RGL3: variants seen among roughly 807,000 people sequenced by gnomAD.
RGL3 encodes ral guanine nucleotide dissociation stimulator like 3, also known as ral guanine nucleotide dissociation stimulator-like 3.
In RGL3, 85 loss-of-function variants were observed where a neutral mutation model predicts 90.6. The ratio of observed to expected loss-of-function variants is 0.94; its 90% CI spans 0.79 to 1.12. The LOEUF (loss-of-function observed/expected upper bound fraction) is 1.12, where lower values mean the gene tolerates loss of function less well. Among genes scored for constraint, RGL3 ranks in the 50% most tolerant of loss-of-function variants. The pLI, the probability that RGL3 is intolerant of heterozygous loss-of-function variation, is 0.00. For synonymous variants in RGL3, 408 were observed against 385.5 expected (o/e 1.06, Z -0.68); for missense variants, 1,034 against 939.2 (o/e 1.10, Z -1.32).
rs1255810702 is a variant in RGL3, at chr19:11,416,886, G to A, written c.321C>T (p.Ala107=). Residue 107 remains alanine (A), a synonymous_variant, in exon 3 of 19, where the codon GCC becomes GCT. Transcript: ENST00000380456. ...GTGGCAGCAGAAAGCCCAGCAGGCA[G>A]GCAGTGGGTACAAAGGTCCGGTAGG... ...LATYRTFVPT[A]CLLGFLLPPM... The A allele has an allele frequency of 1.2e-6, 2 of 1,614,136 alleles. No individual in the cohort carries two copies. The highest frequency in any genetic ancestry group is 1.7e-5 in the Admixed American group (1 of 60,012).
In RGL3 at chr19:11,394,315, G is replaced by T; in HGVS notation, c.*87C>A. The T allele has an allele frequency of 1.0e-6, 1 of 958,652 alleles. No individual in the cohort carries two copies. The highest frequency in any genetic ancestry group is 1.7e-6 in the Non-Finnish European group (1 of 585,928). 59.4% of individuals were successfully genotyped at this position (958,652 alleles called of 1,614,324 possible). A position where few individuals can be genotyped will look rare whatever the true frequency, so the allele number is the denominator to read the frequency against. The stretch of plus-strand genomic sequence containing the variant: ...TGGTCCTGGGATACACAGCACAGTG[G>T]CCTCTACTGGGGGATGGCAGCTTTC... On this transcript the variant is annotated 3_prime_UTR_variant, in exon 19 of 19. Transcript: ENST00000380456.
chr19:11,394,339 T>A lies in RGL3; in HGVS notation c.*63A>T. On this transcript the variant is annotated 3_prime_UTR_variant, in exon 19 of 19. Coordinates refer to ENST00000380456, the MANE Select transcript of RGL3 (RefSeq NM_001035223.4). Reference sequence around the variant, plus strand: ...GGCCTCTACTGGGGGATGGCAGCTTTCCAGGAGAAGAGTCGCAAGCTTGCC... The same window carrying A: ...GGCCTCTACTGGGGGATGGCAGCTTACCAGGAGAAGAGTCGCAAGCTTGCC... The A allele has an allele frequency of 7.6e-7, 1 of 1,308,266 alleles. No individual in the cohort carries two copies. The highest frequency in any genetic ancestry group is 1.1e-6 in the Non-Finnish European group (1 of 902,134). 81.0% of individuals were successfully genotyped at this position (1,308,266 alleles called of 1,614,324 possible).
At chr19:11,401,878 C>G in intron 13 of RGL3, 133 bp downstream of exon 13, 1 of 1,189,542 alleles carries the variant, frequency 8.4e-7, no homozygotes, top group Non-Finnish European at 1.2e-6. Context: ...TGCAAGGTCA[C>G]AGGTTGTAGT....
intron 5 of RGL3, among the ~76,000 whole-genome samples, chr19:11,414,511 A>ACACC (rs1568342040): frequency 1.7e-5 from 2 of 116,508 alleles, no homozygotes; most frequent in African/African-American, 7.0e-5. Flanking sequence ...ATATATATAT[A>ACACC]TATATATATA....
rs757565425 is a variant in RGL3, at chr19:11,419,257, C to T, written c.22G>A (p.Glu8Lys). The T allele has an allele frequency of 3.1e-6, 5 of 1,588,522 alleles. No homozygotes were observed. Among genetic ancestry groups the T allele is most frequent in the Non-Finnish European group, 4.3e-6 (5 of 1,168,206 alleles). ...CCTTGTCCCCTTACCAGGGCCAGCTCTTTGCCTGCTGTGCGCTCCATGGCC... is the reference window on the plus strand; with the variant it reads ...CCTTGTCCCCTTACCAGGGCCAGCTTTTTGCCTGCTGTGCGCTCCATGGCC... MERTAGK[E>K]LALAPLQDWG... is the part of the protein sequence containing the mutation. Residue 8 changes from glutamate to lysine, a missense_variant, in exon 1 of 19, where the codon GAG becomes AAG. Physicochemically the swap from Glu to Lys is moderately conservative, Grantham distance 56. Coordinates refer to ENST00000380456, the MANE Select transcript of RGL3 (RefSeq NM_001035223.4).
intron 5 of RGL3, among the ~76,000 whole-genome samples, chr19:11,413,095 A>C (rs1246427014): frequency 6.6e-6 from 1 of 152,130 alleles, no homozygotes; most frequent in Non-Finnish European, 1.5e-5. Context: ...CTAGGGCAGC[A>C]CTTTCCATAT....
chr19:11,401,602 T>C (rs1440081693), intron 13 of RGL3, among the ~76,000 whole-genome samples: 2 of 152,028 alleles, frequency 1.3e-5, no homozygotes, highest in Non-Finnish European at 2.9e-5. Flanking sequence ...GGTTTCACTC[T>C]GTTAGCCAGG....
intron 18 of RGL3, among the ~76,000 whole-genome samples, chr19:11,396,472 A>G (rs925180841): frequency 1.3e-5 from 2 of 150,420 alleles, no homozygotes. Flanking sequence ...CACCCAGCCA[A>G]TTTCTCTATT....
At position 11,406,532 on chromosome 19, in the gene RGL3, C is replaced by A; in HGVS notation, c.883G>T (p.Val295Leu). The change falls in exon 7 of 19, where the codon GTG becomes TTG. Residue 295 changes from valine to leucine, a missense_variant. Val to Leu is a conservative substitution (Grantham distance 32). Coordinates refer to ENST00000380456, the MANE Select transcript of RGL3 (RefSeq NM_001035223.4). ...AGASPTVRAT[V>L]AQFNTVTGCV... Reference sequence around the variant, plus strand: ...CCGGTCACGGTGTTGAACTGGGCCACGGTGGCGCGCACAGTGGGGGAGGCG... The same window carrying A: ...CCGGTCACGGTGTTGAACTGGGCCAAGGTGGCGCGCACAGTGGGGGAGGCG... 6.4e-7 allele frequency: 1 copy of A among 1,550,430 alleles called. No homozygotes were observed. The highest frequency in any genetic ancestry group is 8.7e-7 in the Non-Finnish European group (1 of 1,148,366).
chr19:11,409,830 T>C (rs564041522), intron 5 of RGL3, among the ~76,000 whole-genome samples: 41 of 152,352 alleles, frequency 2.7e-4, no homozygotes, highest in African/African-American at 8.4e-4. Flanking sequence ...TCATGTGTCC[T>C]AGTGGGGCAT....
intron 5 of RGL3, 88 bp downstream of exon 5, chr19:11,415,849 A>G (rs546910701): frequency 3.6e-5 from 42 of 1,159,974 alleles, no homozygotes; most frequent in Admixed American, 7.1e-5. Flanking sequence ...TAAGTTTTGT[A>G]GCTCTGAGAG....
chr19:11,402,431 GGGGTCAA>G lies in RGL3; in HGVS notation c.1329+17_1329+23del. Reference sequence around the variant, plus strand: ...CTGGGGGCAAGTGGAGCTGGGGTCAGGGGTCAAGGGTCAGGGGTCAGACCTCCAACAT... The same window carrying G: ...CTGGGGGCAAGTGGAGCTGGGGTCAGGGGTCAGGGGTCAGACCTCCAACAT... On this transcript the variant is annotated intron_variant, in intron 11 of 18. Transcript: ENST00000380456. 2.5e-6 allele frequency: 4 copies of G among 1,591,870 alleles called. No homozygotes were observed. The highest frequency in any genetic ancestry group is 3.4e-6 in the Non-Finnish European group (4 of 1,168,898).
chr19:11,410,995 G>A (rs764709532), intron 5 of RGL3, among the ~76,000 whole-genome samples: 1 of 151,974 alleles, frequency 6.6e-6, no homozygotes, highest in African/African-American at 2.4e-5. Flanking sequence ...GATCACTAAA[G>A]GTTAGGAGTT....
intron 12 of RGL3, 41 bp downstream of exon 12, chr19:11,402,174 C>A (rs1406228815): frequency 2.5e-6 from 4 of 1,609,200 alleles, no homozygotes; most frequent in Non-Finnish European, 2.5e-6. Context: ...GCCCCACCCC[C>A]ACCCTCAGGC....
rs745711298 is a variant in RGL3 at position 11,406,710 on chromosome 19, C to T, written c.780+12G>A. ...CACTGTGGCTCATCCCGACCCTGTC[C>T]GGGATCCTCACCAAGTCTATGAGGG... On this transcript the variant is annotated intron_variant, in intron 6 of 18. Transcript: ENST00000380456. 18 of 1,613,216 alleles carry T rather than the reference C, an allele frequency of 1.1e-5. No individual in the cohort carries two copies. The highest frequency in any genetic ancestry group is 1.4e-5 in the Non-Finnish European group (17 of 1,179,824).
intron 5 of RGL3, among the ~76,000 whole-genome samples, chr19:11,407,156 T>C (rs1034680885): frequency 1.3e-5 from 2 of 152,050 alleles, no homozygotes; most frequent in African/African-American, 4.8e-5. Context: ...CGGCTAATTT[T>C]TGTATTTTTA....
intron 11 of RGL3, 103 bp from the exon 12 acceptor site, chr19:11,402,350 G>A (rs566882829): frequency 1.9e-6 from 3 of 1,580,900 alleles, no homozygotes; most frequent in Non-Finnish European, 2.6e-6. Flanking sequence ...AGGGAGTGTG[G>A]GGTGGTGTCA....
intron 18 of RGL3, among the ~76,000 whole-genome samples, chr19:11,396,450 G>T (rs969217609): frequency 6.6e-6 from 1 of 150,846 alleles, no homozygotes; most frequent in Non-Finnish European, 1.5e-5. Flanking sequence ...GATTACAGGC[G>T]TTGAGCCACC....
Position 11,402,558 on chromosome 19 carries a change from T to C in RGL3, c.1243-17A>G. The C allele has an allele frequency of 6.2e-7, 1 of 1,605,608 alleles. No homozygotes were observed. On this transcript the variant is annotated splice_polypyrimidine_tract_variant and intron_variant, in intron 10 of 18. Transcript: ENST00000380456. ...GGGTGGTTTCTGCAGCCCCCAAAGCTCCAGTCACTTGGGGCCATTACTGAC... is the reference window on the plus strand; with the variant it reads ...GGGTGGTTTCTGCAGCCCCCAAAGCCCCAGTCACTTGGGGCCATTACTGAC...
Sources: allele counts gnomAD v4.1 joint callset (sites outside exome capture counted in the v4.1 genomes callset), GRCh38; gene constraint gnomAD v4.1.1; transcripts MANE v1.5; gene names NCBI Gene and HGNC (gene_info 2026-07-23, HGNC 2026-07-21).